Variants in IGSF5 observed in about 807,000 individuals in gnomAD.
IGSF5 encodes the protein immunoglobulin superfamily member 5, also known as immunoglobulin superfamily 5 like.
A neutral mutation model predicts 39.4 loss-of-function variants in IGSF5; 41 were observed. The observed-to-expected ratio is 1.04, with a 90% CI of 0.81 to 1.35. The LOEUF (loss-of-function observed/expected upper bound fraction) is 1.35. Ranked by LOEUF, IGSF5 falls within the 40% of genes most tolerant of loss-of-function variation. The pLI is 0.00. For synonymous variants in IGSF5, 183 were observed against 175.3 expected (o/e 1.04, Z -0.34); for missense variants, 487 against 494.6 (o/e 0.98, Z 0.15).
chr21:39,714,516 A>G, the IGSF5 span, among the ~76,000 whole-genome samples: 1 of 152,100 alleles, frequency 6.6e-6, no homozygotes, highest in East Asian at 1.9e-4. Flanking sequence ...GGTGGCTTAA[A>G]CATAAGAAAT....
the IGSF5 span, among the ~76,000 whole-genome samples, chr21:39,736,596 A>G: frequency 6.6e-6 from 1 of 152,156 alleles, no homozygotes; most frequent in Non-Finnish European, 1.5e-5. Context: ...AGTGGTAAAT[A>G]GGGCTTCCTC....
chr21:39,798,379 G>A (rs552411631), intron 8 of IGSF5, among the ~76,000 whole-genome samples: 1 of 152,200 alleles, frequency 6.6e-6, no homozygotes. Flanking sequence ...GGTTCTACTG[G>A]GGTTGGTAGT....
chr21:39,757,979 G>A (rs529708698), intron 2 of IGSF5, among the ~76,000 whole-genome samples: 1 of 152,252 alleles, frequency 6.6e-6, no homozygotes, highest in Admixed American at 6.5e-5. Context: ...GGTGGAGGTG[G>A]CGGTGGGCAC....
At chr21:39,759,368 T>G (rs1278069766) in intron 2 of IGSF5, among the ~76,000 whole-genome samples, 1 of 152,204 alleles carries the variant, frequency 6.6e-6, no homozygotes, top group Non-Finnish European at 1.5e-5. Flanking sequence ...AACATTTGTT[T>G]GTAGAATGGA....
At chr21:39,724,644 A>C in the IGSF5 span, among the ~76,000 whole-genome samples, 1 of 152,236 alleles carries the variant, frequency 6.6e-6, no homozygotes, top group Non-Finnish European at 1.5e-5. Context: ...GTGTAAGTCC[A>C]ACAAATCTCT....
chr21:39,717,510 T>C, the IGSF5 span, among the ~76,000 whole-genome samples: 1 of 152,192 alleles, frequency 6.6e-6, no homozygotes, highest in Non-Finnish European at 1.5e-5. Context: ...CTTGAGCTGA[T>C]TTGTGTATAT....
chr21:39,762,024 GT>G (rs2146277664), intron 2 of IGSF5, among the ~76,000 whole-genome samples: 1 of 152,268 alleles, frequency 6.6e-6, no homozygotes, highest in Admixed American at 6.5e-5. Context: ...GAGATGCCTG[GT>G]AGGACAGGAG....
chr21:39,758,116 G>T (rs754556420), intron 2 of IGSF5, among the ~76,000 whole-genome samples: 1 of 152,160 alleles, frequency 6.6e-6, no homozygotes, highest in Admixed American at 6.5e-5. Context: ...TGTGCTGGTC[G>T]TCCTGGCACG....
intron 3 of IGSF5, 69 bp from the exon 4 acceptor site, chr21:39,770,842 GAAAAA>G (rs1051069062): frequency 5.4e-6 from 5 of 917,980 alleles, no homozygotes; most frequent in Non-Finnish European, 7.2e-6. Flanking sequence ...AAAAAAAAAA[GAAAAA>G]AAAAAAGAAA....
At chr21:39,784,603 T>C (rs987871291) in intron 5 of IGSF5, among the ~76,000 whole-genome samples, 2 of 152,076 alleles carry the variant, frequency 1.3e-5, no homozygotes, top group African/African-American at 4.8e-5. Context: ...GAGTGAACTG[T>C]CACCCCACCC....
At chr21:39,761,334 A>G (rs185236514) in intron 2 of IGSF5, among the ~76,000 whole-genome samples, 4 of 152,358 alleles carry the variant, frequency 2.6e-5, no homozygotes, top group Admixed American at 2.6e-4. Context: ...CCTTCTTGAC[A>G]TTGGCTTTGG....
chr21:39,735,250 G>A, the IGSF5 span, among the ~76,000 whole-genome samples: 1 of 152,128 alleles, frequency 6.6e-6, no homozygotes, highest in Non-Finnish European at 1.5e-5. Context: ...TGAGTAATCT[G>A]TCTTAAAATT....
chr21:39,798,246 C>T (rs1009142246), intron 8 of IGSF5, among the ~76,000 whole-genome samples: 2 of 152,168 alleles, frequency 1.3e-5, no homozygotes, highest in Non-Finnish European at 1.5e-5. Flanking sequence ...GGAAGAGTGG[C>T]AGGTCCCCAA....
intron 2 of IGSF5, among the ~76,000 whole-genome samples, chr21:39,756,508 TC>T (rs1384685541): frequency 6.6e-6 from 1 of 152,122 alleles, no homozygotes; most frequent in Non-Finnish European, 1.5e-5. Context: ...CTCCTCAAAG[TC>T]CCTGATGGGA....
intron 5 of IGSF5, among the ~76,000 whole-genome samples, chr21:39,785,210 C>T (rs974998752): frequency 6.8e-6 from 1 of 146,286 alleles, no homozygotes; most frequent in African/African-American, 2.4e-5. Flanking sequence ...CCCCACAAAA[C>T]CCTAGAAGAA....
At chr21:39,739,443 G>A in the IGSF5 span, among the ~76,000 whole-genome samples, 2 of 151,962 alleles carry the variant, frequency 1.3e-5, no homozygotes, top group African/African-American at 4.8e-5. Context: ...CTCCGTTTTT[G>A]CCTAATTAGC....
the IGSF5 span, among the ~76,000 whole-genome samples, chr21:39,732,259 T>G: frequency 6.6e-6 from 1 of 152,206 alleles, no homozygotes; most frequent in Non-Finnish European, 1.5e-5. Flanking sequence ...CACTAATTTT[T>G]GGGGTGGTTT....
chr21:39,714,124 A>G, the IGSF5 span, among the ~76,000 whole-genome samples: 1 of 152,238 alleles, frequency 6.6e-6, no homozygotes, highest in African/African-American at 2.4e-5. Flanking sequence ...GAGAAACCGC[A>G]TTCATCGGTT....
chr21:39,786,873 CTG>C (rs965498445), intron 5 of IGSF5, among the ~76,000 whole-genome samples: 7 of 151,914 alleles, frequency 4.6e-5, no homozygotes, highest in African/African-American at 1.7e-4. Flanking sequence ...AAACCAAACA[CTG>C]TGTATTCTCA....
Sources: gnomAD v4.1 joint callset for allele counts (sites outside exome capture counted in the v4.1 genomes callset) on GRCh38, gnomAD v4.1.1 for gene constraint, MANE v1.5 for transcripts, NCBI Gene and HGNC (gene_info 2026-07-23, HGNC 2026-07-21) for gene names.